Variants in FAM53A observed in about 807,000 individuals in gnomAD.
FAM53A encodes protein FAM53A.
Under a neutral mutation model 26.6 loss-of-function variants are expected in FAM53A, and 28 were observed. The observed-to-expected ratio is 1.05, with a 90% confidence interval of 0.78 to 1.45. FAM53A has a LOEUF of 1.45. Ranked by LOEUF, FAM53A falls within the 40% of genes most tolerant of loss-of-function variation. The pLI is 0.00. For missense variants in FAM53A, 650 were observed against 575.8 expected, an observed-to-expected ratio of 1.13 and a Z score of -1.32; for synonymous variants, 290 against 253.1, an observed-to-expected ratio of 1.15 and a Z score of -1.38.
chr4:1,649,931 G>A (rs1232420923), intron 4 of FAM53A, among the ~76,000 whole-genome samples: 58 of 132,100 alleles, frequency 4.4e-4, no homozygotes, highest in Middle Eastern at 4.0e-3. Context: ...CAGGCGTGGC[G>A]TTTGACTGTG....
At chr4:1,578,654 A>AC in the FAM53A span, among the ~76,000 whole-genome samples, 3 of 144,394 alleles carry the variant, frequency 2.1e-5, no homozygotes, top group Admixed American at 6.9e-5. Context: ...CGAGGTCGCG[A>AC]CCCCCCTACC....
chr4:1,674,668 C>CAAAA (rs34285756), intron 1 of FAM53A, among the ~76,000 whole-genome samples: 1 of 143,606 alleles, frequency 7.0e-6, no homozygotes. Context: ...GACTCTGTCT[C>CAAAA]AAAAAAAAAA....
chr4:1,666,996 C>T (rs1714281645), intron 2 of FAM53A, among the ~76,000 whole-genome samples: 3 of 152,262 alleles, frequency 2.0e-5, no homozygotes, highest in Middle Eastern at 3.4e-3. Flanking sequence ...GGCCTGGTGG[C>T]GTGCACCTGT....
At chr4:1,667,168 G>A (rs190805211) in intron 2 of FAM53A, among the ~76,000 whole-genome samples, 8 of 152,082 alleles carry the variant, frequency 5.3e-5, no homozygotes, top group East Asian at 3.9e-4. Context: ...GTGTGGTGGC[G>A]TGTGCCTGTA....
At chr4:1,590,991 T>TATATATATACACACACAC in the FAM53A span, among the ~76,000 whole-genome samples, 1 of 127,872 alleles carries the variant, frequency 7.8e-6, no homozygotes, top group African/African-American at 3.4e-5. Context: ...TATATATATA[T>TATATATATACACACACAC]ATATATATAT....
At chr4:1,683,596 A>G (rs1190017234) in intron 1 of FAM53A, 2 of 152,352 alleles carry the variant, frequency 1.3e-5, no homozygotes, top group East Asian at 3.9e-4. Flanking sequence ...AGAAACATCA[A>G]GTGTGAGTCT....
chr4:1,611,790 CAGGAGGTG>C, the FAM53A span, among the ~76,000 whole-genome samples: 1 of 152,216 alleles, frequency 6.6e-6, no homozygotes, highest in Admixed American at 6.5e-5. Context: ...GCCCCTCTGC[CAGGAGGTG>C]GCCAGTGGAT....
At chr4:1,644,917 A>T (rs1305462842) in intron 4 of FAM53A, 1 of 152,738 alleles carries the variant, frequency 6.5e-6, no homozygotes, top group Non-Finnish European at 1.5e-5. Context: ...TGTCTCAGCC[A>T]CATCTGTACC....
chr4:1,593,657 C>T, the FAM53A span, among the ~76,000 whole-genome samples: 1 of 152,042 alleles, frequency 6.6e-6, no homozygotes, highest in South Asian at 2.1e-4. Context: ...CTGTCGACAG[C>T]AATAGACAGG....
At chr4:1,599,831 G>A in the FAM53A span, among the ~76,000 whole-genome samples, 48 of 152,310 alleles carry the variant, frequency 3.2e-4, no homozygotes, top group African/African-American at 1.1e-3. The surrounding 1 kb of genome is among the most constrained non-coding windows in gnomAD (Gnocchi z 6.1). Context: ...GGCCAGTGGC[G>A]CTGAGTGTTG....
chr4:1,596,147 GGCCACA>G, the FAM53A span, among the ~76,000 whole-genome samples: 3 of 152,280 alleles, frequency 2.0e-5, no homozygotes, highest in South Asian at 6.2e-4. Flanking sequence ...GCCACTACCA[GGCCACA>G]CCCACAGAAT....
At chr4:1,592,485 T>C in the FAM53A span, among the ~76,000 whole-genome samples, 1 of 151,496 alleles carries the variant, frequency 6.6e-6, no homozygotes, top group East Asian at 1.9e-4. Context: ...TCCCGGAGGC[T>C]GGGGGGCGCT....
In FAM53A at chr4:1,654,070, C is replaced by CA. The variant is rs1713106514; in HGVS notation, c.882+907dup. Among the ~76,000 whole-genome samples, 8 of 152,346 alleles carry CA rather than the reference C, an allele frequency of 5.3e-5. 1 individual carries two copies. In the South Asian group the frequency reaches 1.7e-3, roughly 32 times the overall value. On this transcript the variant is annotated intron_variant, in intron 4 of 4. Coordinates refer to ENST00000308132, the MANE Select transcript of FAM53A (RefSeq NM_001174070.3). ...AGAGTTCAGGGGGCTGCCAAGGCCA[C>CA]AGGTCATTGAGGAGACAGGCTGACA...
intron 2 of FAM53A, among the ~76,000 whole-genome samples, chr4:1,667,794 C>A (rs533413473): frequency 6.6e-6 from 1 of 152,332 alleles, no homozygotes; most frequent in South Asian, 2.1e-4. Flanking sequence ...GCTCCAAGCA[C>A]CCCTGCTGGC....
rs752592646 is a variant in FAM53A, at chr4:1,655,116, C to A, written c.744G>T (p.Ala248=). The change falls in exon 4 of 5, where the codon GCG becomes GCT. Residue 248 remains alanine, a synonymous_variant. Coordinates refer to ENST00000308132, the MANE Select transcript of FAM53A (RefSeq NM_001174070.3). ...GGAGCAGCCCACGGCGCCCGCCCAG[C>A]GCAGGCGTGGACGTGGGGCTGCTGC... ...WASSSPTSTP[A]LGGRRGLLRC... 6.3e-7 allele frequency: 1 copy of A among 1,598,330 alleles called. No individual in the cohort carries two copies. The highest frequency in any genetic ancestry group is 1.1e-5 in the South Asian group (1 of 89,624).
chr4:1,583,761 C>T, the FAM53A span, among the ~76,000 whole-genome samples: 1 of 152,248 alleles, frequency 6.6e-6, no homozygotes, highest in African/African-American at 2.4e-5. Flanking sequence ...CACCTGCCTG[C>T]TTTCACCACC....
At chr4:1,663,004 C>A (rs1713954413) in intron 2 of FAM53A, among the ~76,000 whole-genome samples, 1 of 148,396 alleles carries the variant, frequency 6.7e-6, no homozygotes, top group South Asian at 2.2e-4. Context: ...ACCATCCTTG[C>A]CAACACGGTG....
downstream of FAM53A, among the ~76,000 whole-genome samples, chr4:1,615,158 C>G (rs983753033): frequency 1.3e-5 from 2 of 149,676 alleles, no homozygotes; most frequent in Non-Finnish European, 3.0e-5. Context: ...TGGGTACACA[C>G]GGAAGACAGG....
At position 1,655,048 on chromosome 4, in the gene FAM53A, C is replaced by T. The variant is rs769273307; in HGVS notation, c.812G>A (p.Arg271Gln). Residue 271 changes from arginine to glutamine, a missense_variant, in exon 4 of 5, where the codon CGG becomes CAG. By Grantham distance (43) the Arg-to-Gln change is conservative (BLOSUM62 1). Coordinates refer to ENST00000308132, the MANE Select transcript of FAM53A (RefSeq NM_001174070.3). ...QPCVLSGKRS[R>Q]RKRRREEDAR... is the part of the protein sequence containing the mutation. ...GTCCTCCTCACGCCTCCGTTTGCGC[C>T]GGCTCCTCTTCCCACTGAGCACGCA... 7.6e-6 allele frequency: 12 copies of T among 1,588,388 alleles called. No homozygotes were observed. The highest frequency in any genetic ancestry group is 1.8e-5 in the Admixed American group (1 of 57,088).
Sources: gnomAD v4.1 joint callset for allele counts (sites outside exome capture counted in the v4.1 genomes callset) on GRCh38, gnomAD v4.1.1 for gene constraint, Gnocchi (gnomAD v3.1) non-coding constraint, MANE v1.5 for transcripts, NCBI Gene and HGNC (gene_info 2026-07-23, HGNC 2026-07-21) for gene names.